The following MTMR4 variants were observed in gnomAD, a reference collection of about 807,000 sequenced individuals.
MTMR4 encodes myotubularin related protein 4.
Under a neutral mutation model 125.5 loss-of-function variants are expected in MTMR4, and 30 were observed. The observed-to-expected ratio is 0.24, with a 90% CI of 0.18 to 0.32. The LOEUF is 0.32. MTMR4 is among the 10% of genes least tolerant of loss of function. The probability of loss-of-function intolerance (pLI) is 1.00; values close to 1 mark genes in which losing one functional copy is unlikely to be tolerated. For missense variants in MTMR4, 1,039 were observed against 1,511.5 expected, an observed-to-expected ratio of 0.69 and a Z score of 5.18; for synonymous variants, 498 against 564.5, an observed-to-expected ratio of 0.88 and a Z score of 1.67.
Position 58,495,271 on chromosome 17 carries a change from T to C in MTMR4, c.2913A>G (p.Glu971=), listed in dbSNP as rs764160861. The change falls in exon 15 of 18, where the codon GAA becomes GAG. Residue 971 remains glutamate, a synonymous_variant. Transcript: ENST00000682306. ...PCFGGQWAQR[E]GVKSPVCSSH... is the part of the protein sequence containing the mutation. ...TAGAACAGACAGGTGACTTCACACC[T>C]TCTCTCTGAGCCCACTGGCCCCCAA... is the stretch of plus-strand genomic sequence containing the variant. 1 of 1,614,092 alleles carries C rather than the reference T, an allele frequency of 6.2e-7. No homozygotes were observed. Among genetic ancestry groups the C allele is most frequent in the African/African-American group, 1.3e-5 (1 of 74,948 alleles).
At chr17:58,507,604 TG>T (rs1284063888) in intron 7 of MTMR4, among the ~76,000 whole-genome samples, 1 of 152,254 alleles carries the variant, frequency 6.6e-6, no homozygotes, top group Non-Finnish European at 1.5e-5. Context: ...AAGGCCTGGC[TG>T]AGCCAAGAAT....
chr17:58,492,782 G>C (rs911603163), intron 16 of MTMR4, 60 bp downstream of exon 16: 7 of 1,494,712 alleles, frequency 4.7e-6, no homozygotes, highest in Middle Eastern at 1.7e-4. Flanking sequence ...ATTCATCTCT[G>C]GAAAATATGA....
Position 58,511,490 on chromosome 17 carries a change from T to C in MTMR4, c.274A>G (p.Ser92Gly). The C allele has an allele frequency of 6.2e-7, 1 of 1,612,776 alleles. No homozygotes were observed. The highest frequency in any genetic ancestry group is 1.1e-5 in the South Asian group (1 of 90,634). ...TGGAACATATCACGGCTCTCCACAC[T>C]GTCAATCATCCGGAGGGGGACCTGT... Reference protein sequence around the residue: ...VINVPLRMIDSVESRDMFQLH... With the variant: ...VINVPLRMIDGVESRDMFQLH... Residue 92 changes from serine to glycine, a missense_variant, in exon 4 of 18, where the codon AGT becomes GGT. By Grantham distance (56) the Ser-to-Gly change is moderately conservative (BLOSUM62 0). Around this residue, in one of 6 missense-constraint regions of MTMR4, gnomAD observed 202 missense variants for 311.9 expected, o/e 0.65. Transcript: ENST00000682306.
Position 58,504,773 on chromosome 17 carries a change from C to A in MTMR4, c.1341+6G>T, listed in dbSNP as rs200568557. The stretch of plus-strand genomic sequence containing the variant: ...TCTGGTTTTCCCACCGAATTCCTCT[C>A]AATACCTCCAACGTCCTGTAATATG... On this transcript the variant is annotated splice_donor_region_variant and intron_variant, in intron 11 of 17. Coordinates refer to ENST00000682306, the MANE Select transcript of MTMR4 (RefSeq NM_001378067.1). This position sits in a 1 kb window ranked among gnomAD's most constrained non-coding sequence, Gnocchi z 7.1. The A allele has an allele frequency of 5.0e-6, 8 of 1,591,360 alleles. No homozygotes were observed. The highest frequency in any genetic ancestry group is 6.9e-6 in the Non-Finnish European group (8 of 1,166,870).
chr17:58,497,786 C>G (rs1975511628), intron 14 of MTMR4, among the ~76,000 whole-genome samples: 1 of 152,208 alleles, frequency 6.6e-6, no homozygotes, highest in Non-Finnish European at 1.5e-5. Flanking sequence ...AGTGGATCTT[C>G]TTAGACATCC....
At chr17:58,509,013 A>G (rs969717729) in intron 4 of MTMR4, 172 bp from the exon 5 acceptor site, 2 of 635,228 alleles carry the variant, frequency 3.1e-6, no homozygotes, top group African/African-American at 3.7e-5. Flanking sequence ...CCAACACCCA[A>G]CAGAAGTTGT....
At chr17:58,497,008 A>G (rs551037504) in intron 14 of MTMR4, among the ~76,000 whole-genome samples, 1 of 152,342 alleles carries the variant, frequency 6.6e-6, no homozygotes, top group Non-Finnish European at 1.5e-5. Flanking sequence ...CCAAGGCCCC[A>G]TGAAACTTCC....
chr17:58,491,738 T>G lies in MTMR4; in HGVS notation c.3555A>C (p.Glu1185Asp). The G allele has an allele frequency of 6.2e-7, 1 of 1,614,164 alleles. No individual in the cohort carries two copies. Reference sequence around the variant, plus strand: ...CCCTGGCACGAGAGACTTGAATGTGTTCGTAACATGAGTTACAGACGAGAA... The same window carrying G: ...CCCTGGCACGAGAGACTTGAATGTGGTCGTAACATGAGTTACAGACGAGAA... The part of the protein sequence containing the change: ...DPVLVCNSCY[E>D]HIQVSRAREL... Residue 1185 changes from glutamate (E) to aspartate (D), a missense_variant, in exon 18 of 18, where the codon GAA (glutamate) becomes GAC (aspartate). Physicochemically the swap from Glu to Asp is conservative, Grantham distance 45 (BLOSUM62 2). Coordinates refer to ENST00000682306, the MANE Select transcript of MTMR4 (RefSeq NM_001378067.1).
In MTMR4 at chr17:58,495,645, G is replaced by A. The variant is rs376695241; in HGVS notation, c.2539C>T (p.Leu847Phe). 64 of 1,614,062 alleles carry A rather than the reference G, an allele frequency of 4.0e-5. No individual in the cohort carries two copies. Among genetic ancestry groups the A allele is most frequent in the Middle Eastern group, 1.6e-4 (1 of 6,084 alleles). Residue 847 changes from leucine to phenylalanine, a missense_variant, in exon 15 of 18, where the codon CTC becomes TTC. By Grantham distance (22) the Leu-to-Phe change is conservative (BLOSUM62 0). This residue lies in a region of MTMR4 where 619 missense variants were observed against 714.5 expected (regional missense o/e 0.87). Transcript: ENST00000682306. The part of the protein sequence containing the change: ...QTPLDPSTDF[L>F]NQDPSGSVAS... ...ACAGACCCTGAGGGATCTTGGTTGA[G>A]GAAGTCAGTGCTTGGGTCTAGAGGA...
At chr17:58,496,396 G>C (rs1435025434) in intron 14 of MTMR4, 66 bp from the exon 15 acceptor site, 1 of 1,311,580 alleles carries the variant, frequency 7.6e-7, no homozygotes, top group Non-Finnish European at 1.0e-6. Context: ...ATATGGAACT[G>C]AATCAATGGA....
In MTMR4 at chr17:58,504,733, T is replaced by A. The variant is rs1598220257; in HGVS notation, c.1341+46A>T. 1 of 1,557,702 alleles carries A rather than the reference T, an allele frequency of 6.4e-7. No homozygotes were observed. The highest frequency in any genetic ancestry group is 1.3e-5 in the African/African-American group (1 of 74,114). On this transcript the variant is annotated intron_variant, in intron 11 of 17. Transcript: ENST00000682306. The surrounding 1 kb of genome is among the most constrained non-coding windows in gnomAD (Gnocchi z 7.1). ...GATCCAGAGGGCTCAACACCTTCCC[T>A]CCTGCCACATTCCTTCTGGTTTTCC...
chr17:58,493,752 A>C (rs1425712914), intron 15 of MTMR4, among the ~76,000 whole-genome samples: 1 of 152,190 alleles, frequency 6.6e-6, no homozygotes, highest in Non-Finnish European at 1.5e-5. Context: ...TTACAAAAAA[A>C]AAAAAAGTTT....
At chr17:58,510,383 C>G (rs1975895757) in intron 4 of MTMR4, among the ~76,000 whole-genome samples, 1 of 152,212 alleles carries the variant, frequency 6.6e-6, no homozygotes, top group African/African-American at 2.4e-5. Context: ...TTGCCGTTCT[C>G]TGTCTCTGGC....
intron 14 of MTMR4, among the ~76,000 whole-genome samples, chr17:58,502,495 G>GAT (rs1975669951): frequency 6.9e-6 from 1 of 144,102 alleles, no homozygotes; most frequent in Admixed American, 7.1e-5. Flanking sequence ...CACATATAAG[G>GAT]ATGTAAAGCA....
At chr17:58,516,606 T>G, upstream of MTMR4, 1 of 1,614,150 alleles carries the variant, frequency 6.2e-7, no homozygotes, top group Non-Finnish European at 8.5e-7. Context: ...GGGTACTGGC[T>G]GCCTGCTTCT....
rs547921776 is a variant in MTMR4, at chr17:58,504,639, C to G, written c.1341+140G>C. On this transcript the variant is annotated intron_variant, in intron 11 of 17. Coordinates refer to ENST00000682306, the MANE Select transcript of MTMR4 (RefSeq NM_001378067.1). The surrounding 1 kb of genome is among the most constrained non-coding windows in gnomAD (Gnocchi z 7.1). ...GACTCAAAGCCACCAATTTTCCAAG[C>G]CTTTGGGAGTTGGAAAAAAAAAGAA... 46 of 1,350,584 alleles carry G rather than the reference C, an allele frequency of 3.4e-5. No individual in the cohort carries two copies. In the African/African-American group the frequency reaches 6.4e-4, roughly 19 times the overall value. The allele number at this position is 1,350,584 out of a possible 1,614,324, so 83.7% of individuals were successfully genotyped here.
In MTMR4 at chr17:58,507,142, C is replaced by T; in HGVS notation, c.885G>A (p.Glu295=). 1.2e-6 allele frequency: 2 copies of T among 1,614,168 alleles called. No homozygotes were observed. The highest frequency in any genetic ancestry group is 1.7e-6 in the Non-Finnish European group (2 of 1,180,036). ...CCTTACCAAAGTCAGCATCACACGCCTCGCTGGTATCATTATTCCCGGTGC... is the reference window on the plus strand; with the variant it reads ...CCTTACCAAAGTCAGCATCACACGCTTCGCTGGTATCATTATTCCCGGTGC... The part of the protein sequence containing the change: ...SLSTGNNDTS[E]ACDADFDSSL... The change falls in exon 8 of 18, where the codon GAG becomes GAA. Residue 295 remains glutamate (E), a synonymous_variant. Coordinates refer to ENST00000682306, the MANE Select transcript of MTMR4 (RefSeq NM_001378067.1).
Position 58,507,173 on chromosome 17 carries a change from G to A in MTMR4, c.854C>T (p.Ser285Phe). ...LDPGTRATGG[S>F]LSTGNNDTSE... ...GGTATCATTATTCCCGGTGCTGAGG[G>A]AGCCCCCAGTGGCCCTTGTCCCCGG... The change falls in exon 8 of 18, where the codon TCC becomes TTC. Residue 285 changes from serine to phenylalanine, a missense_variant. By Grantham distance (155) the Ser-to-Phe change is radical (BLOSUM62 -2). Around this residue, in one of 6 missense-constraint regions of MTMR4, gnomAD observed 49 missense variants for 68.4 expected, o/e 0.72. Coordinates refer to ENST00000682306, the MANE Select transcript of MTMR4 (RefSeq NM_001378067.1). The A allele has an allele frequency of 6.2e-7, 1 of 1,614,144 alleles. No individual in the cohort carries two copies. Among genetic ancestry groups the A allele is most frequent in the African/African-American group, 1.3e-5 (1 of 75,026 alleles).
In MTMR4 at chr17:58,508,412, A is replaced by T; in HGVS notation, c.593+56T>A. 1 of 1,585,770 alleles carries T rather than the reference A, an allele frequency of 6.3e-7. No individual in the cohort carries two copies. Among genetic ancestry groups the T allele is most frequent in the Non-Finnish European group, 8.7e-7 (1 of 1,154,200 alleles). ...TCAGAAGCTGTGCCCACCACACTTTATCCAAACACGGAAGTAGTTTGGTGT... is the reference window on the plus strand; with the variant it reads ...TCAGAAGCTGTGCCCACCACACTTTTTCCAAACACGGAAGTAGTTTGGTGT... On this transcript the variant is annotated intron_variant, in intron 6 of 17. Transcript: ENST00000682306. The surrounding 1 kb of genome is among the most constrained non-coding windows in gnomAD (Gnocchi z 4.8).
Sources: gnomAD v4.1 joint callset for allele counts (sites outside exome capture counted in the v4.1 genomes callset) on GRCh38, gnomAD v4.1.1 for gene constraint, gnomAD v4.1.1 regional missense constraint, Gnocchi (gnomAD v3.1) non-coding constraint, MANE v1.5 for transcripts, NCBI Gene and HGNC (gene_info 2026-07-23, HGNC 2026-07-21) for gene names.